PCDH7: variants seen among roughly 807,000 people sequenced by gnomAD.
PCDH7 encodes the protein protocadherin-7.
A neutral mutation model predicts 58.9 loss-of-function variants in PCDH7; 17 were observed. That is an observed-to-expected ratio of 0.29 (90% confidence interval 0.20 to 0.43). PCDH7 has a LOEUF of 0.43. Ranked by LOEUF, PCDH7 falls within the 20% of genes least tolerant of loss-of-function variation. PCDH7 has a pLI of 1.00. For synonymous variants in PCDH7, 664 were observed against 616.4 expected (o/e 1.08, Z -1.14); for missense variants, 1,274 against 1,441.0 (o/e 0.88, Z 1.88).
rs554655842 is a variant in PCDH7, at chr4:30,845,200, A to G, written c.71-74953A>G. 2.5e-3 allele frequency among the ~76,000 whole-genome samples: 386 copies of G among 152,308 alleles called. 1 individual carries two copies. Among genetic ancestry groups the G allele is most frequent in the Non-Finnish European group, 2.6e-3 (176 of 68,024 alleles). ...CTACTTAATTTGAGGGTCTTATTAC[A>G]CAGTGGTTTGAAAAGGTGAAACACA... On this transcript the variant is annotated intron_variant, in intron 1 of 3. Coordinates refer to the PCDH7 transcript ENST00000509759.
intron 3 of PCDH7, among the ~76,000 whole-genome samples, chr4:30,966,577 A>G (rs7687580): frequency 0.61 from 93,379 of 151,854 alleles, 29,991 homozygotes; most frequent in African/African-American, 0.81. Context: ...TTTGACTGTC[A>G]TTTTTTTGTT....
intron 1 of PCDH7, among the ~76,000 whole-genome samples, chr4:30,767,176 C>A (rs749736023): frequency 1.3e-5 from 2 of 152,122 alleles, no homozygotes; most frequent in South Asian, 4.1e-4. Flanking sequence ...CTAAACTCAG[C>A]GTGGTTGCAC....
intron 2 of PCDH7, among the ~76,000 whole-genome samples, chr4:30,924,203 C>T (rs1203688314): frequency 6.6e-6 from 1 of 152,086 alleles, no homozygotes; most frequent in Non-Finnish European, 1.5e-5. Context: ...AGCCAGTTTG[C>T]CTTTGCTATG....
rs74944147 is a variant in PCDH7 at position 30,967,747 on chromosome 4, T to A, written c.*7+17532T>A. The stretch of plus-strand genomic sequence containing the variant: ...GCATTTTCCAAACCTCATACAGGAA[T>A]CAAAGAATTTAAGAAATGAGGTATC... On this transcript the variant is annotated intron_variant, in intron 3 of 3. Coordinates refer to the PCDH7 transcript ENST00000509759. Among the ~76,000 whole-genome samples, 936 of 152,236 alleles carry A rather than the reference T, an allele frequency of 6.1e-3. 5 individuals carry two copies. Among genetic ancestry groups the A allele is most frequent in the Middle Eastern group, 0.014 (4 of 294 alleles).
chr4:30,975,263 C>A (rs1176070203), intron 3 of PCDH7, among the ~76,000 whole-genome samples: 1 of 151,386 alleles, frequency 6.6e-6, no homozygotes, highest in South Asian at 2.1e-4. Flanking sequence ...TTGTCTGCAA[C>A]CACCTATAGT....
intron 1 of PCDH7, among the ~76,000 whole-genome samples, chr4:30,859,634 T>C (rs891201007): frequency 2.0e-5 from 3 of 151,894 alleles, no homozygotes; most frequent in African/African-American, 7.3e-5. Flanking sequence ...GAGAAGGAGT[T>C]TCACCATGTT....
exon 1 of PCDH7, chr4:30,724,007 C>T (rs772646911): frequency 6.2e-7 from 1 of 1,614,144 alleles, no homozygotes; most frequent in South Asian, 1.1e-5. Flanking sequence ...ATCCCACTCA[C>T]CCAGGATATA....
chr4:30,775,441 G>C (rs1296179278), intron 1 of PCDH7, among the ~76,000 whole-genome samples: 1 of 151,864 alleles, frequency 6.6e-6, no homozygotes, highest in African/African-American at 2.4e-5. Context: ...CTATACTAAG[G>C]GTATTGAGTA....
intron 1 of PCDH7, among the ~76,000 whole-genome samples, chr4:30,753,941 A>C (rs1411343535): frequency 6.6e-6 from 1 of 152,196 alleles, no homozygotes; most frequent in African/African-American, 2.4e-5. Context: ...ATTTACCAAC[A>C]AAACCTTGAT....
chr4:30,739,370 C>T (rs1293650619), intron 1 of PCDH7, among the ~76,000 whole-genome samples: 1 of 150,288 alleles, frequency 6.7e-6, no homozygotes, highest in African/African-American at 2.5e-5. Context: ...TGACCCTCTA[C>T]AATTAATATT....
intron 1 of PCDH7, among the ~76,000 whole-genome samples, chr4:30,843,928 TA>T (rs963004210): frequency 6.6e-6 from 1 of 151,434 alleles, no homozygotes; most frequent in Non-Finnish European, 1.5e-5. Flanking sequence ...AAAAATAAAA[TA>T]AAAATAAAAA....
At chr4:30,765,405 C>A (rs902167028) in intron 1 of PCDH7, among the ~76,000 whole-genome samples, 2 of 151,994 alleles carry the variant, frequency 1.3e-5, no homozygotes, top group Non-Finnish European at 2.9e-5. Context: ...TTTTCTTTAA[C>A]ATTCTGGAAT....
At chr4:30,804,945 C>T (rs1276722075) in intron 1 of PCDH7, among the ~76,000 whole-genome samples, 1 of 152,160 alleles carries the variant, frequency 6.6e-6, no homozygotes, top group Non-Finnish European at 1.5e-5. Context: ...CTGTGGGGCT[C>T]GTTTTGTCCT....
chr4:31,055,978 T>C (rs1757134570), intron 3 of PCDH7, among the ~76,000 whole-genome samples: 1 of 152,340 alleles, frequency 6.6e-6, no homozygotes, highest in African/African-American at 2.4e-5. Flanking sequence ...TGCCCAGGCA[T>C]TGTAATGTAG....
intron 1 of PCDH7, among the ~76,000 whole-genome samples, chr4:30,845,580 G>A (rs542002370): frequency 1.3e-5 from 2 of 152,180 alleles, no homozygotes; most frequent in African/African-American, 2.4e-5. Context: ...ATAGGAAATA[G>A]GATGGTTTAC....
intron 3 of PCDH7, among the ~76,000 whole-genome samples, chr4:31,054,155 G>C (rs573370703): frequency 6.6e-6 from 1 of 152,062 alleles, no homozygotes; most frequent in African/African-American, 2.4e-5. Context: ...TGTAGAGATG[G>C]GGGTTTCACC....
intron 1 of PCDH7, among the ~76,000 whole-genome samples, chr4:30,824,124 TTTCTTTCTTTC>T (rs1176000024): frequency 2.7e-5 from 4 of 147,154 alleles, no homozygotes; most frequent in African/African-American, 1.0e-4. Context: ...TCTTTCTTTC[TTTCTTTCTTTC>T]TTTCTTTCTT....
chr4:30,990,966 G>A lies in PCDH7; in HGVS notation c.*7+40751G>A, dbSNP rs185207192. Among the ~76,000 whole-genome samples, 1,237 of 152,120 alleles carry A rather than the reference G, an allele frequency of 8.1e-3. 13 individuals carry two copies. Among genetic ancestry groups the A allele is most frequent in the African/African-American group, 0.025 (1,055 of 41,498 alleles). On this transcript the variant is annotated intron_variant, in intron 3 of 3. Coordinates refer to the PCDH7 transcript ENST00000509759. ...TACATATATAATGAAAGAAAATTGA[G>A]GTCAGGTATAGCAAGGAAGAGAAGT...
At chr4:30,979,340 G>GA (rs911946662) in intron 3 of PCDH7, among the ~76,000 whole-genome samples, 14 of 130,112 alleles carry the variant, frequency 1.1e-4, no homozygotes, top group Middle Eastern at 3.7e-3. Flanking sequence ...AAAAAAAAAA[G>GA]AAAAAAAAGA....
Sources: gnomAD v4.1 joint callset for allele counts (sites outside exome capture counted in the v4.1 genomes callset) on GRCh38, gnomAD v4.1.1 for gene constraint, MANE v1.5 for transcripts, NCBI Gene and HGNC (gene_info 2026-07-23, HGNC 2026-07-21) for gene names.